The following RBFOX3 variants were observed in gnomAD, a reference collection of about 807,000 sequenced individuals.
The protein encoded by RBFOX3 is RNA binding fox-1 homolog 3, also known as RNA binding protein fox-1 homolog 3.
RBFOX3 carries 17 observed loss-of-function variants against 48.7 expected under a neutral mutation model. The observed-to-expected ratio is 0.35, with a 90% CI of 0.24 to 0.52. The LOEUF is 0.52. Among genes scored for constraint, RBFOX3 ranks in the 20% least tolerant of loss-of-function variants. The pLI is 0.94. For synonymous variants in RBFOX3, 212 were observed against 209.5 expected (o/e 1.01, Z -0.10); for missense variants, 382 against 497.5 (o/e 0.77, Z 2.21).
intron 2 of RBFOX3, among the ~76,000 whole-genome samples, chr17:79,378,741 A>G (rs146729245): frequency 6.6e-6 from 1 of 152,320 alleles, no homozygotes; most frequent in African/African-American, 2.4e-5. Flanking sequence ...AATTACCCCA[A>G]GTTTCTCCAG....
intron 3 of RBFOX3, among the ~76,000 whole-genome samples, chr17:79,301,475 C>T (rs2075303517): frequency 6.6e-6 from 1 of 152,228 alleles, no homozygotes; most frequent in African/African-American, 2.4e-5. Flanking sequence ...TTCTGGCGCT[C>T]AGAGTCGCCC....
chr17:79,521,445 C>A (rs2086084142), intron 1 of RBFOX3, among the ~76,000 whole-genome samples: 2 of 138,562 alleles, frequency 1.4e-5, no homozygotes, highest in Admixed American at 1.4e-4. Flanking sequence ...CACACATAGG[C>A]ACAGACACAT....
At chr17:79,571,982 G>T (rs1354410867) in intron 1 of RBFOX3, among the ~76,000 whole-genome samples, 4 of 152,182 alleles carry the variant, frequency 2.6e-5, no homozygotes, top group African/African-American at 9.7e-5. Flanking sequence ...AAGGTGATTT[G>T]CTGGGAGCCA....
At chr17:79,166,126 G>C (rs2047948610) in intron 4 of RBFOX3, among the ~76,000 whole-genome samples, 1 of 146,996 alleles carries the variant, frequency 6.8e-6, no homozygotes, top group African/African-American at 2.5e-5. Flanking sequence ...ACAAACCTGG[G>C]CTTGGCCCAC....
chr17:79,255,260 G>C (rs1378228908), intron 3 of RBFOX3, among the ~76,000 whole-genome samples: 1 of 150,530 alleles, frequency 6.6e-6, no homozygotes, highest in African/African-American at 2.5e-5. Context: ...TGTACTGGGG[G>C]TGTGGCATGA....
intron 4 of RBFOX3, among the ~76,000 whole-genome samples, chr17:79,140,477 C>T (rs1421942249): frequency 6.6e-6 from 1 of 152,260 alleles, no homozygotes; most frequent in East Asian, 1.9e-4. Flanking sequence ...GTGTGCCAAG[C>T]ACCTGCTGCA....
At chr17:79,490,887 T>A (rs1409721874) in intron 1 of RBFOX3, among the ~76,000 whole-genome samples, 2 of 150,586 alleles carry the variant, frequency 1.3e-5, no homozygotes, top group Non-Finnish European at 1.5e-5. Flanking sequence ...TAAGCAAACA[T>A]GCTTGAGTGA....
chr17:79,300,340 C>A (rs1037888020), intron 3 of RBFOX3, among the ~76,000 whole-genome samples: 1 of 152,118 alleles, frequency 6.6e-6, no homozygotes, highest in African/African-American at 2.4e-5. Flanking sequence ...CTCAATATTG[C>A]CCTGGGAAGC....
At chr17:79,656,681 G>GA in the RBFOX3 span, among the ~76,000 whole-genome samples, 1 of 52,504 alleles carries the variant, frequency 1.9e-5, no homozygotes, top group Admixed American at 2.8e-4. Context: ...AAGAAGGAAG[G>GA]AGGGAAGGAA....
In RBFOX3 at chr17:79,395,980, T is replaced by A. The variant is rs1106282; in HGVS notation, c.-175+86474A>T. On this transcript the variant is annotated intron_variant, in intron 2 of 14. Transcript: ENST00000693108. Reference sequence around the variant, plus strand: ...CAAGGTGCACACAAGGAGCCCCGCCTGCCACTGGTTTCCGTTCCAGGATCC... The same window carrying A: ...CAAGGTGCACACAAGGAGCCCCGCCAGCCACTGGTTTCCGTTCCAGGATCC... 2.6e-5 allele frequency among the ~76,000 whole-genome samples: 4 copies of A among 152,224 alleles called. No homozygotes were observed. In the South Asian group the frequency reaches 6.2e-4, roughly 24 times the overall value.
At chr17:79,551,000 G>A (rs1395084267) in intron 1 of RBFOX3, among the ~76,000 whole-genome samples, 2 of 152,218 alleles carry the variant, frequency 1.3e-5, no homozygotes, top group African/African-American at 2.4e-5. Flanking sequence ...TGTGGTAGCC[G>A]CTAGCCCCAT....
chr17:79,161,862 G>A (rs2047053176), intron 4 of RBFOX3, among the ~76,000 whole-genome samples: 1 of 152,190 alleles, frequency 6.6e-6, no homozygotes, highest in South Asian at 2.1e-4. Flanking sequence ...CAAAATGCTG[G>A]GATTACAGGT....
chr17:79,090,028 C>T lies in RBFOX3; in HGVS notation c.*855G>A, dbSNP rs1261582826. The T allele has an allele frequency of 1.3e-5, 2 of 152,402 alleles. No individual in the cohort carries two copies. The highest frequency in any genetic ancestry group is 6.5e-5 in the Admixed American group (1 of 15,290). 9.4% of individuals were successfully genotyped at this position (152,402 alleles called of 1,614,324 possible). ...GGGGAGCGGCAGGGAGGGCTGGGTCCCAGCAGGCAGCACGAGGTCAGCCTT... is the reference window on the plus strand; with the variant it reads ...GGGGAGCGGCAGGGAGGGCTGGGTCTCAGCAGGCAGCACGAGGTCAGCCTT... On this transcript the variant is annotated 3_prime_UTR_variant, in exon 15 of 15. Coordinates refer to ENST00000693108, the MANE Select transcript of RBFOX3 (RefSeq NM_001350451.2).
chr17:79,587,852 T>A (rs2093303048), intron 1 of RBFOX3, among the ~76,000 whole-genome samples: 2 of 152,102 alleles, frequency 1.3e-5, no homozygotes, highest in South Asian at 4.2e-4. Context: ...GTTGGGTCTT[T>A]TTTCTTTTTA....
intron 1 of RBFOX3, among the ~76,000 whole-genome samples, chr17:79,551,587 T>A (rs1199576307): frequency 1.3e-5 from 2 of 151,550 alleles, no homozygotes; most frequent in African/African-American, 2.4e-5. Context: ...GGTAGGTGGA[T>A]CCCTCATGAA....
intron 1 of RBFOX3, among the ~76,000 whole-genome samples, chr17:79,571,622 T>A (rs2092681528): frequency 6.6e-6 from 1 of 151,276 alleles, no homozygotes; most frequent in Admixed American, 6.6e-5. Context: ...AGTCTCATAT[T>A]TGTGATCTAC....
intron 1 of RBFOX3, among the ~76,000 whole-genome samples, chr17:79,491,173 A>C (rs1239580823): frequency 3.4e-4 from 1 of 2,920 alleles, no homozygotes; most frequent in Non-Finnish European, 5.6e-4. Flanking sequence ...GGAGGGGAGG[A>C]GAGGGGAGGG....
chr17:79,153,039 C>CTCCCT (rs1311132349), intron 4 of RBFOX3, among the ~76,000 whole-genome samples: 2 of 152,244 alleles, frequency 1.3e-5, no homozygotes, highest in African/African-American at 2.4e-5. Flanking sequence ...CAGGGCAGGA[C>CTCCCT]ATCTGCCCGC....
rs1014565975 is a variant in RBFOX3, at chr17:79,482,229, G to A, written c.-175+225C>T. Reference sequence around the variant, plus strand: ...AGGCTGATGGGCTTCGAGGTACAAAGAGCGGTCACTCCTTAAAAATTCTAC... The same window carrying A: ...AGGCTGATGGGCTTCGAGGTACAAAAAGCGGTCACTCCTTAAAAATTCTAC... On this transcript the variant is annotated intron_variant, in intron 2 of 14. Transcript: ENST00000693108. This position sits in a 1 kb window ranked among gnomAD's most constrained non-coding sequence, Gnocchi z 4.1. Among the ~76,000 whole-genome samples the A allele has an allele frequency of 4.0e-5, 6 of 149,478 alleles. No homozygotes were observed. The highest frequency in any genetic ancestry group is 7.4e-5 in the Non-Finnish European group (5 of 67,332).
Sources: gnomAD v4.1 joint callset for allele counts (sites outside exome capture counted in the v4.1 genomes callset) on GRCh38, gnomAD v4.1.1 for gene constraint, Gnocchi (gnomAD v3.1) non-coding constraint, MANE v1.5 for transcripts, NCBI Gene and HGNC (gene_info 2026-07-23, HGNC 2026-07-21) for gene names.